The following ANK3 variants were observed in gnomAD, a reference collection of about 807,000 sequenced individuals.
The protein encoded by ANK3 is ankyrin-3.
Under a neutral mutation model 370.9 loss-of-function variants are expected in ANK3, and 57 were observed. That is an observed-to-expected ratio of 0.15 (90% CI 0.12 to 0.19). ANK3 has a LOEUF of 0.19. Among genes scored for constraint, ANK3 ranks in the 10% least tolerant of loss-of-function variants. The pLI is 1.00. For synonymous variants in ANK3, 1,929 were observed against 1,946.3 expected (o/e 0.99, Z 0.23); for missense variants, 4,439 against 5,302.1 (o/e 0.84, Z 5.06).
chr10:60,061,739 CTT>C lies in ANK3; in HGVS notation c.12595+1370_12595+1371del, dbSNP rs35700139. Among the ~76,000 whole-genome samples, 23 of 145,780 alleles carry C rather than the reference CTT, an allele frequency of 1.6e-4. No homozygotes were observed. The East Asian group carries it at 2.4e-3, about 15-fold the overall frequency. On this transcript the variant is annotated intron_variant, in intron 40 of 43. Transcript: ENST00000280772. ...GCTTTAAATCTTTTGTTGACTTAAA[CTT>C]TTTTTTTTTTTAAGAGACAGACAGT...
intron 2 of ANK3, among the ~76,000 whole-genome samples, chr10:60,415,923 A>ACCCCCCCCCCCCC (rs60397919): frequency 4.8e-5 from 3 of 62,660 alleles, no homozygotes; most frequent in Admixed American, 1.7e-4. Context: ...TGTGCCCCCC[A>ACCCCCCCCCCCCC]CCCCCCCGCC....
At chr10:60,481,628 A>C (rs2075219570) in intron 2 of ANK3, among the ~76,000 whole-genome samples, 1 of 152,016 alleles carries the variant, frequency 6.6e-6, no homozygotes, top group African/African-American at 2.4e-5. Flanking sequence ...ATGCCCGGCT[A>C]ATTTTTTATA....
intron 25 of ANK3, among the ~76,000 whole-genome samples, chr10:60,116,115 C>A (rs1231812502): frequency 6.6e-6 from 1 of 152,082 alleles, no homozygotes; most frequent in Non-Finnish European, 1.5e-5. Context: ...TGATCCCCTG[C>A]CATCACTACC....
In ANK3 at chr10:60,172,540, C is replaced by CATGTGT; in HGVS notation, c.2383-138_2383-137insACACAT. 4 of 722,054 alleles carry CATGTGT rather than the reference C, an allele frequency of 5.5e-6. No individual in the cohort carries two copies. The Admixed American group carries it at 6.8e-5, about 12-fold the overall frequency. 44.7% of individuals were successfully genotyped at this position (722,054 alleles called of 1,614,324 possible). A position where few individuals can be genotyped will look rare whatever the true frequency, so the allele number is the denominator to read the frequency against. ...AAATAAGTGTTTCATTAGAGACATA[C>CATGTGT]CTTGCACAAAACCCACCTAACCTGT... On this transcript the variant is annotated intron_variant, in intron 20 of 43. Transcript: ENST00000280772.
rs1411200830 is a variant in ANK3 at position 60,226,633 on chromosome 10, A to C, written c.897+8055T>G. Among the ~76,000 whole-genome samples, 11 of 98,294 alleles carry C rather than the reference A, an allele frequency of 1.1e-4. 1 individual carries two copies. Among genetic ancestry groups the C allele is most frequent in the East Asian group, 4.3e-4 (1 of 2,346 alleles). 64.5% of individuals were successfully genotyped at this position (98,294 alleles called of 152,430 possible). On this transcript the variant is annotated intron_variant, in intron 8 of 43. Coordinates refer to ENST00000280772, the MANE Select transcript of ANK3 (RefSeq NM_020987.5). Reference sequence around the variant, plus strand: ...AAAAGCAAAAGTCACTATATATTATATATAGTATAGATAATATATCATAAT... The same window carrying C: ...AAAAGCAAAAGTCACTATATATTATCTATAGTATAGATAATATATCATAAT...
At chr10:60,524,477 AATGAATCTC>A (rs1398901437) in intron 2 of ANK3, among the ~76,000 whole-genome samples, 1 of 152,050 alleles carries the variant, frequency 6.6e-6, no homozygotes, top group African/African-American at 2.4e-5. Context: ...AGTGATAGTG[AATGAATCTC>A]ATGAGATCTG....
chr10:60,086,639 G>A (rs182752833), intron 30 of ANK3, 38 bp downstream of exon 30: 1 of 1,528,614 alleles, frequency 6.5e-7, no homozygotes, highest in African/African-American at 1.4e-5. Context: ...CACAATCTTT[G>A]TGAATCAATA....
At chr10:60,705,712 C>T (rs2079604889) in intron 1 of ANK3, among the ~76,000 whole-genome samples, 1 of 151,724 alleles carries the variant, frequency 6.6e-6, no homozygotes, top group African/African-American at 2.4e-5. Context: ...ACAAGCCCAT[C>T]TATTATAAGG....
In ANK3 at chr10:60,537,280, G is replaced by A. The variant is rs368569882; in HGVS notation, c.96+77906C>T. ...TCTAACAGTTGGTATAAGATTTGGG[G>A]AGAAAATATAAAAAAGGATGTGTTA... is the stretch of plus-strand genomic sequence containing the variant. On this transcript the variant is annotated intron_variant, in intron 2 of 43. Coordinates refer to the ANK3 transcript ENST00000373827. Among the ~76,000 whole-genome samples the A allele has an allele frequency of 6.5e-4, 99 of 152,040 alleles. 2 individuals are homozygous for A. The South Asian group carries it at 0.02, about 31-fold the overall frequency.
intron 15 of ANK3, 33 bp from the exon 16 acceptor site, chr10:60,196,276 C>T: frequency 8.8e-6 from 14 of 1,583,990 alleles, no homozygotes; most frequent in Non-Finnish European, 1.2e-5. Context: ...CAACCAGTGT[C>T]AAAGGTGTCT....
chr10:60,396,974 G>T (rs2063254017), intron 2 of ANK3, among the ~76,000 whole-genome samples: 1 of 152,164 alleles, frequency 6.6e-6, no homozygotes, highest in Admixed American at 6.5e-5. Flanking sequence ...TGACCAAGAT[G>T]TAAGGAAAGC....
chr10:60,457,877 T>A lies in ANK3; in HGVS notation c.96+157309A>T, dbSNP rs1363017401. ...CGAATCAGTGACATGCAGTGGGCGG[T>A]AGTGTAGTAGAGTAGAGAGAAGACA... On this transcript the variant is annotated intron_variant, in intron 2 of 43. Coordinates refer to the ANK3 transcript ENST00000373827. Among the ~76,000 whole-genome samples the A allele has an allele frequency of 2.0e-5, 3 of 152,018 alleles. No homozygotes were observed. In the East Asian group the frequency reaches 5.8e-4, roughly 29 times the overall value.
intron 1 of ANK3, among the ~76,000 whole-genome samples, chr10:60,319,823 A>G (rs2132884681): frequency 6.6e-6 from 1 of 152,308 alleles, no homozygotes; most frequent in Middle Eastern, 3.4e-3. Context: ...TTGCCCATAA[A>G]CCATGCCTCT....
chr10:60,730,032 T>A (rs1323207888), intron 1 of ANK3, among the ~76,000 whole-genome samples: 2 of 152,192 alleles, frequency 1.3e-5, no homozygotes, highest in African/African-American at 4.8e-5. Flanking sequence ...GAGACAAGTG[T>A]CTGGGATATA....
intron 42 of ANK3, chr10:60,044,024 G>A: frequency 1.0e-6 from 1 of 985,780 alleles, no homozygotes; most frequent in Non-Finnish European, 1.2e-6. Context: ...TCTAGGGAGT[G>A]CACAAAGCTT....
At chr10:60,477,192 C>G (rs1393115393) in intron 2 of ANK3, among the ~76,000 whole-genome samples, 1 of 151,896 alleles carries the variant, frequency 6.6e-6, no homozygotes, top group Non-Finnish European at 1.5e-5. Flanking sequence ...AAATTAACAT[C>G]TTTCTGGAGA....
At position 60,245,192 on chromosome 10, in the gene ANK3, C is replaced by A. The variant is rs537023713; in HGVS notation, c.799-10406G>T. ...TAAAAAACAAAAAACAAAAAAAAAA[C>A]CAGTCATATAGGTTTTGATACAATG... On this transcript the variant is annotated intron_variant, in intron 7 of 43. Transcript: ENST00000280772. Among the ~76,000 whole-genome samples the A allele has an allele frequency of 1.6e-4, 24 of 151,462 alleles. No individual in the cohort carries two copies. In the East Asian group the frequency reaches 2.7e-3, roughly 17 times the overall value.
intron 1 of ANK3, among the ~76,000 whole-genome samples, chr10:60,680,147 A>AAAG (rs1481781247): frequency 6.6e-6 from 1 of 151,616 alleles, no homozygotes; most frequent in Non-Finnish European, 1.5e-5. Context: ...GAAAAAAAAA[A>AAAG]AAAGGAAAGA....
In ANK3 at chr10:60,572,900, A is replaced by AAG. The variant is rs890676558; in HGVS notation, c.96+42284_96+42285dup. The AAG allele has an allele frequency of 1.8e-5, 18 of 1,019,638 alleles. No homozygotes were observed. The Admixed American group carries it at 3.8e-4, about 21-fold the overall frequency. The allele number at this position is 1,019,638 out of a possible 1,614,324, so 63.2% of individuals were successfully genotyped here. A position where few individuals can be genotyped will look rare whatever the true frequency, so the allele number is the denominator to read the frequency against. The stretch of plus-strand genomic sequence containing the variant: ...GCCTGGAAATGGTGAGAGAGAGAGA[A>AAG]AGAGAGAGAGAGACACACACACACA... On this transcript the variant is annotated intron_variant, in intron 2 of 43. Transcript: ENST00000373827.
Sources: allele counts gnomAD v4.1 joint callset (sites outside exome capture counted in the v4.1 genomes callset), GRCh38; gene constraint gnomAD v4.1.1; transcripts MANE v1.5; gene names NCBI Gene and HGNC (gene_info 2026-07-23, HGNC 2026-07-21).